The following SPAG4 variants were observed in gnomAD, a reference collection of about 807,000 sequenced individuals.
SPAG4 encodes sperm-associated antigen 4 protein.
Under a neutral mutation model 53.9 loss-of-function variants are expected in SPAG4, and 54 were observed. That is an observed-to-expected ratio of 1.00 (90% confidence interval 0.80 to 1.26). The LOEUF is 1.26. Among genes scored for constraint, SPAG4 ranks in the 50% most tolerant of loss-of-function variants. The pLI, the probability that SPAG4 is intolerant of heterozygous loss-of-function variation, is 0.00. For missense variants in SPAG4, 548 were observed against 568.6 expected (o/e 0.96, Z 0.37); for synonymous variants, 246 against 237.4 (o/e 1.04, Z -0.33).
intron 1 of SPAG4, 112 bp downstream of exon 1, chr20:35,616,419 C>T: frequency 2.0e-5 from 28 of 1,396,520 alleles, no homozygotes; most frequent in Non-Finnish European, 2.4e-5. Context: ...CAAGGTGGGT[C>T]CTGTAGGGTA....
rs921975580 is a variant in SPAG4, at chr20:35,617,323, C to T, written c.409+83C>T. The T allele has an allele frequency of 1.6e-5, 17 of 1,065,740 alleles. No homozygotes were observed. The South Asian group carries it at 1.8e-4, about 11-fold the overall frequency. 66.0% of individuals were successfully genotyped at this position (1,065,740 alleles called of 1,614,324 possible). ...CAGTTCTCTCTGAGCCCCCGGCCCC[C>T]GTTTGAGTATCGAGCCCCTCTCCGA... On this transcript the variant is annotated intron_variant, in intron 2 of 11. Coordinates refer to ENST00000374273, the MANE Select transcript of SPAG4 (RefSeq NM_003116.3).
intron 10 of SPAG4, among the ~76,000 whole-genome samples, chr20:35,620,281 T>A (rs1006149514): frequency 7.2e-5 from 11 of 152,196 alleles, no homozygotes; most frequent in Non-Finnish European, 1.5e-4. Flanking sequence ...TGCACCCACA[T>A]AACAACCTAT....
At position 35,619,192 on chromosome 20, in the gene SPAG4, C is replaced by G; in HGVS notation, c.794-3C>G. The G allele has an allele frequency of 5.6e-6, 9 of 1,611,732 alleles. No individual in the cohort carries two copies. Among genetic ancestry groups the G allele is most frequent in the Non-Finnish European group, 7.6e-6 (9 of 1,178,434 alleles). On this transcript the variant is annotated splice_polypyrimidine_tract_variant and splice_region_variant and intron_variant, in intron 8 of 11. Transcript: ENST00000374273. ...CTCTGAGGGTTACTTCTCACTGTTC[C>G]AGGAGCCTCCATCGACCTGCAGAAG...
At chr20:35,616,964 G>T in intron 1 of SPAG4, 172 bp from the exon 2 acceptor site, 1 of 600,370 alleles carries the variant, frequency 1.7e-6, no homozygotes, top group Non-Finnish European at 3.0e-6. Context: ...TCCCTGAGGG[G>T]CGGGGCTTCA....
chr20:35,615,976 GT>G lies in SPAG4; in HGVS notation c.-27del, dbSNP rs763161840. 1 of 1,606,384 alleles carries G rather than the reference GT, an allele frequency of 6.2e-7. No homozygotes were observed. The highest frequency in any genetic ancestry group is 8.5e-7 in the Non-Finnish European group (1 of 1,178,244). ...TGGCGACCGCAGCGGCGGCTTTAGC[GT>G]CAGTGACTAGGCAGCAGGGGGTCAG... On this transcript the variant is annotated 5_prime_UTR_variant, in exon 1 of 12. Coordinates refer to ENST00000374273, the MANE Select transcript of SPAG4 (RefSeq NM_003116.3).
rs541672697 is a variant in SPAG4 at position 35,617,244 on chromosome 20, C to T, written c.409+4C>T. 1.1e-5 allele frequency: 18 copies of T among 1,578,910 alleles called. No individual in the cohort carries two copies. The highest frequency in any genetic ancestry group is 1.4e-5 in the Non-Finnish European group (16 of 1,158,568). On this transcript the variant is annotated splice_donor_region_variant and intron_variant, in intron 2 of 11. Transcript: ENST00000374273. ...CGGGTGTTCAAGAGCTTTCTGAGTA[C>T]GGGCCAGGCCAGCTGCGATCCCCTC...
In SPAG4 at chr20:35,616,245, C is replaced by T; in HGVS notation, c.242C>T (p.Ala81Val). ...GCAGGAAGCTCTCAGCAGAAGCCAGCGCCTCGGAGCCACAACTGGCAGACA... is the reference window on the plus strand; with the variant it reads ...GCAGGAAGCTCTCAGCAGAAGCCAGTGCCTCGGAGCCACAACTGGCAGACA... ...TWAGSSQQKPAPRSHNWQTAC... is the reference protein window; with the variant it reads ...TWAGSSQQKPVPRSHNWQTAC... Residue 81 changes from alanine to valine, a missense_variant, in exon 1 of 12, where the codon GCG becomes GTG. Ala to Val is a moderately conservative substitution (Grantham distance 64). Coordinates refer to ENST00000374273, the MANE Select transcript of SPAG4 (RefSeq NM_003116.3). The T allele has an allele frequency of 1.3e-6, 2 of 1,521,254 alleles. No homozygotes were observed. Among genetic ancestry groups the T allele is most frequent in the Non-Finnish European group, 1.8e-6 (2 of 1,138,504 alleles). 94.2% of individuals were successfully genotyped at this position (1,521,254 alleles called of 1,614,324 possible).
At position 35,621,063 on chromosome 20, in the gene SPAG4, A is replaced by G. The variant is rs758461348; in HGVS notation, c.*41A>G. The G allele has an allele frequency of 1.3e-6, 2 of 1,599,862 alleles. No individual in the cohort carries two copies. The highest frequency in any genetic ancestry group is 1.7e-5 in the Admixed American group (1 of 59,774). ...GAGTAGAATTGAGTTCTGCTGAAGGATACTGGATCAGTGCTTTCGGGGGCT... is the reference window on the plus strand; with the variant it reads ...GAGTAGAATTGAGTTCTGCTGAAGGGTACTGGATCAGTGCTTTCGGGGGCT... On this transcript the variant is annotated 3_prime_UTR_variant, in exon 12 of 12. Transcript: ENST00000374273.
rs1227404930 is a variant in SPAG4 at position 35,616,089 on chromosome 20, T to A, written c.86T>A (p.Ile29Asn). 7 of 1,592,952 alleles carry A rather than the reference T, an allele frequency of 4.4e-6. No homozygotes were observed. Among genetic ancestry groups the A allele is most frequent in the Non-Finnish European group, 6.0e-6 (7 of 1,167,958 alleles). Residue 29 changes from isoleucine (I) to asparagine (N), a missense_variant, in exon 1 of 12, where the codon ATC (isoleucine) becomes AAC (asparagine). Transcript: ENST00000374273. The stretch of plus-strand genomic sequence containing the variant: ...TTCAGCGAGAACAGCTCAATGAGCA[T>A]CACCTCGGAGGACAGCAAAGGGCTC... Reference protein sequence around the residue: ...NFFSENSSMSITSEDSKGLRS... With the variant: ...NFFSENSSMSNTSEDSKGLRS...
At chr20:35,617,873 C>T in intron 4 of SPAG4, 33 bp downstream of exon 4, 1 of 1,608,212 alleles carries the variant, frequency 6.2e-7, no homozygotes, top group Non-Finnish European at 8.5e-7. Flanking sequence ...GAGCCCCTGC[C>T]CTGGGTGCTT....
At chr20:35,616,499 C>A in intron 1 of SPAG4, 192 bp downstream of exon 1, 2 of 605,234 alleles carry the variant, frequency 3.3e-6, no homozygotes, top group Non-Finnish European at 4.1e-6. Flanking sequence ...TGGGAAGGGG[C>A]GGGGAAAATC....
chr20:35,619,514 C>T (rs912500061), intron 9 of SPAG4, 65 bp from the exon 10 acceptor site: 4 of 1,581,586 alleles, frequency 2.5e-6, no homozygotes, highest in African/African-American at 1.3e-5. Context: ...AGCTGAGGCC[C>T]GGGCTGGGGA....
Position 35,616,293 on chromosome 20 carries a change from G to T in SPAG4, c.290G>T (p.Arg97Met). ...ACAGCCTGTGGCGCGGCAACCGTGAGGGGCGGGGCCTCGGGTGCGGGCGGG... is the reference window on the plus strand; with the variant it reads ...ACAGCCTGTGGCGCGGCAACCGTGATGGGCGGGGCCTCGGGTGCGGGCGGG... Reference protein sequence around the residue: ...WQTACGAATVRGGASEPTGSP... With the variant: ...WQTACGAATVMGGASEPTGSP... Residue 97 changes from arginine (R) to methionine (M), a missense_variant, in exon 1 of 12, where the codon AGG becomes ATG. Arg to Met is a moderately conservative substitution (Grantham distance 91, BLOSUM62 -1). Coordinates refer to ENST00000374273, the MANE Select transcript of SPAG4 (RefSeq NM_003116.3). 6.7e-7 allele frequency: 1 copy of T among 1,486,184 alleles called. No individual in the cohort carries two copies. The highest frequency in any genetic ancestry group is 2.4e-5 in the East Asian group (1 of 41,470). The allele number at this position is 1,486,184 out of a possible 1,614,324, so 92.1% of individuals were successfully genotyped here. A position where few individuals can be genotyped will look rare whatever the true frequency, so the allele number is the denominator to read the frequency against.
In SPAG4 at chr20:35,618,692, T is replaced by C; in HGVS notation, c.689T>C (p.Val230Ala). 1 of 1,589,418 alleles carries C rather than the reference T, an allele frequency of 6.3e-7. No homozygotes were observed. The highest frequency in any genetic ancestry group is 1.1e-5 in the South Asian group (1 of 88,490). ...QAELDKLHKEVSTVRAANSER... is the reference protein window; with the variant it reads ...QAELDKLHKEASTVRAANSER... ...GAGCTGGATAAACTCCACAAGGAGG[T>C]GTCCACTGTTCGGGCAGCCAACAGC... The change falls in exon 7 of 12, where the codon GTG becomes GCG. Residue 230 changes from valine (V) to alanine (A), a missense_variant. Transcript: ENST00000374273.
In SPAG4 at chr20:35,616,979, G is replaced by A. The variant is rs2031407263; in HGVS notation, c.305-157G>A. 3.5e-5 allele frequency: 21 copies of A among 607,826 alleles called. 1 individual carries two copies. Among genetic ancestry groups the A allele is most frequent in the Middle Eastern group, 6.6e-4 (2 of 3,052 alleles). The allele number at this position is 607,826 out of a possible 1,614,324, so 37.7% of individuals were successfully genotyped here. ...TCCCTGAGGGGCGGGGCTTCAGAGG[G>A]CGGAGCTGGAGCCGGGATAGGGCTG... On this transcript the variant is annotated intron_variant, in intron 1 of 11. Coordinates refer to ENST00000374273, the MANE Select transcript of SPAG4 (RefSeq NM_003116.3).
chr20:35,616,901 A>T, intron 1 of SPAG4: 1 of 547,636 alleles, frequency 1.8e-6, no homozygotes, highest in East Asian at 3.1e-5. Flanking sequence ...AATCGCTGGG[A>T]TTACAGGCGT....
In SPAG4 at chr20:35,616,451, T is replaced by C. The variant is rs1028489501; in HGVS notation, c.304+144T>C. The C allele has an allele frequency of 8.3e-5, 100 of 1,211,324 alleles. 1 individual carries two copies. Among genetic ancestry groups the C allele is most frequent in the Middle Eastern group, 5.9e-4 (2 of 3,392 alleles). 75.0% of individuals were successfully genotyped at this position (1,211,324 alleles called of 1,614,324 possible). A position where few individuals can be genotyped will look rare whatever the true frequency, so the allele number is the denominator to read the frequency against. On this transcript the variant is annotated intron_variant, in intron 1 of 11. Coordinates refer to ENST00000374273, the MANE Select transcript of SPAG4 (RefSeq NM_003116.3). ...GGTAAAGGGATGGTGCTAAATGAGA[T>C]CCCTTAAGGGGCGGAGCCTCGGTGT...
Position 35,617,512 on chromosome 20 carries a change from G to A in SPAG4, c.410-8G>A. 1 of 1,585,378 alleles carries A rather than the reference G, an allele frequency of 6.3e-7. No individual in the cohort carries two copies. Among genetic ancestry groups the A allele is most frequent in the East Asian group, 2.3e-5 (1 of 43,946 alleles). ...GGGCCCCTCTCTGACCCTCTGTCCT[G>A]GCCTCAGGCCTGCTCTTCCAGGGGC... On this transcript the variant is annotated splice_region_variant and splice_polypyrimidine_tract_variant and intron_variant, in intron 2 of 11. Coordinates refer to ENST00000374273, the MANE Select transcript of SPAG4 (RefSeq NM_003116.3).
Position 35,620,953 on chromosome 20 carries a change from G to GT in SPAG4, c.1246dup (p.Tyr416LeufsTer?), listed in dbSNP as rs2031562261. On this transcript the variant is annotated frameshift_variant, in exon 12 of 12. Transcript: ENST00000374273. LOFTEE classifies it high-confidence loss of function. ...GGGGCCACCCCCGTTTCACGTGCTT[G>GT]TATCGAGTCCGTGCCCACGGTGTGC... is the stretch of plus-strand genomic sequence containing the variant. 4.3e-6 allele frequency: 7 copies of GT among 1,614,124 alleles called. No homozygotes were observed. The highest frequency in any genetic ancestry group is 1.3e-5 in the African/African-American group (1 of 74,940).
Sources: allele counts gnomAD v4.1 joint callset (sites outside exome capture counted in the v4.1 genomes callset), GRCh38; gene constraint gnomAD v4.1.1; transcripts MANE v1.5; gene names NCBI Gene and HGNC (gene_info 2026-07-23, HGNC 2026-07-21).